Variants in ITFG1 observed in about 807,000 individuals in gnomAD.
The protein encoded by ITFG1 is integrin alpha FG-GAP repeat containing 1.
Under a neutral mutation model 81.8 loss-of-function variants are expected in ITFG1, and 34 were observed. The observed-to-expected ratio is 0.42, with a 90% confidence interval of 0.32 to 0.55. The LOEUF is 0.55. Ranked by LOEUF, ITFG1 falls within the 20% of genes least tolerant of loss-of-function variation. The pLI is 0.17. For missense variants in ITFG1, 672 were observed against 755.4 expected (o/e 0.89, Z 1.29); for synonymous variants, 285 against 270.6 (o/e 1.05, Z -0.52).
At chr16:47,323,241 G>C (rs1967476073) in intron 8 of ITFG1, among the ~76,000 whole-genome samples, 1 of 152,148 alleles carries the variant, frequency 6.6e-6, no homozygotes, top group African/African-American at 2.4e-5. Context: ...GAGTTAATTA[G>C]TTGATATGTT....
chr16:47,268,956 A>G (rs1966307803), intron 10 of ITFG1, among the ~76,000 whole-genome samples: 1 of 152,264 alleles, frequency 6.6e-6, no homozygotes, highest in South Asian at 2.1e-4. Flanking sequence ...ACAAAATCCA[A>G]AACCCATTTC....
intron 6 of ITFG1, among the ~76,000 whole-genome samples, chr16:47,401,344 A>G (rs1968659762): frequency 6.6e-6 from 1 of 152,216 alleles, no homozygotes; most frequent in African/African-American, 2.4e-5. Flanking sequence ...GTCTAGAATA[A>G]GATACATAAA....
At chr16:47,394,916 T>C (rs1968575733) in intron 6 of ITFG1, among the ~76,000 whole-genome samples, 1 of 152,146 alleles carries the variant, frequency 6.6e-6, no homozygotes, top group African/African-American at 2.4e-5. Flanking sequence ...ATTAGTTCTG[T>C]TGGTATTGGG....
chr16:47,307,430 T>A (rs532430214), intron 10 of ITFG1, among the ~76,000 whole-genome samples: 1 of 152,288 alleles, frequency 6.6e-6, no homozygotes, highest in Admixed American at 6.5e-5. Flanking sequence ...CATTTTATTA[T>A]GGGACTAAGA....
At position 47,451,458 on chromosome 16, in the gene ITFG1, A is replaced by T. The variant is rs1969388168; in HGVS notation, c.498T>A (p.Asp166Glu). Residue 166 changes from aspartate (D) to glutamate (E), a missense_variant, in exon 5 of 18, where the codon GAT (aspartate) becomes GAA (glutamate). Transcript: ENST00000320640. ...DEPLIMDFNG[D>E]LIPDIFGITN... ...TGATACCAAAAATATCAGGAATTAGATCACCATTGAAACTGAAAAAAAATT... is the reference window on the plus strand; with the variant it reads ...TGATACCAAAAATATCAGGAATTAGTTCACCATTGAAACTGAAAAAAAATT... 6.4e-7 allele frequency: 1 copy of T among 1,565,380 alleles called. No individual in the cohort carries two copies. Among genetic ancestry groups the T allele is most frequent in the Non-Finnish European group, 8.8e-7 (1 of 1,137,614 alleles).
At position 47,400,678 on chromosome 16, in the gene ITFG1, T is replaced by A. The variant is rs1402884248; in HGVS notation, c.656-24738A>T. 2.0e-5 allele frequency among the ~76,000 whole-genome samples: 3 copies of A among 151,398 alleles called. No homozygotes were observed. In the East Asian group the frequency reaches 5.8e-4, roughly 29 times the overall value. The stretch of plus-strand genomic sequence containing the variant: ...GAGGTGTCAGTTGAGACCTGAAGGG[T>A]ATGTAAAAGTCAGTTCAGCGAAAGG... On this transcript the variant is annotated intron_variant, in intron 6 of 17. Coordinates refer to ENST00000320640, the MANE Select transcript of ITFG1 (RefSeq NM_030790.5).
intron 14 of ITFG1, 56 bp from the exon 15 acceptor site, chr16:47,162,720 T>TC: frequency 6.9e-7 from 1 of 1,444,114 alleles, no homozygotes; most frequent in Non-Finnish European, 9.3e-7. Context: ...ATTGCTCCCA[T>TC]CAAATATTAA....
intron 6 of ITFG1, among the ~76,000 whole-genome samples, chr16:47,387,782 C>A (rs953875689): frequency 1.9e-4 from 29 of 151,940 alleles, no homozygotes; most frequent in Non-Finnish European, 3.5e-4. Context: ...ACCTAAATGT[C>A]CAATAAAAAA....
Position 47,237,362 on chromosome 16 carries a change from A to G in ITFG1, c.1374+603T>C, listed in dbSNP as rs1965888543. Among the ~76,000 whole-genome samples, 3 of 152,182 alleles carry G rather than the reference A, an allele frequency of 2.0e-5. No individual in the cohort carries two copies. In the South Asian group the frequency reaches 6.2e-4, roughly 32 times the overall value. The stretch of plus-strand genomic sequence containing the variant: ...GTTTCCTTGTCTTTAAATAGGGGCT[A>G]ATTTCTTATGAAACAAGGATTACTA... On this transcript the variant is annotated intron_variant, in intron 13 of 17. Transcript: ENST00000320640.
At chr16:47,362,853 C>T (rs1240677755) in intron 8 of ITFG1, among the ~76,000 whole-genome samples, 1 of 152,038 alleles carries the variant, frequency 6.6e-6, no homozygotes, top group African/African-American at 2.4e-5. Flanking sequence ...TATTCATATT[C>T]TGTCTTCCCA....
intron 14 of ITFG1, among the ~76,000 whole-genome samples, chr16:47,208,515 GA>G (rs1304756094): frequency 6.6e-6 from 1 of 152,144 alleles, no homozygotes; most frequent in African/African-American, 2.4e-5. Flanking sequence ...TAGAACAAAC[GA>G]AAGGACCTGA....
intron 14 of ITFG1, among the ~76,000 whole-genome samples, chr16:47,204,496 C>T (rs1596806490): frequency 6.6e-6 from 1 of 152,200 alleles, no homozygotes; most frequent in Admixed American, 6.5e-5. Flanking sequence ...GAAATGCTTT[C>T]GTATTTTGTT....
intron 8 of ITFG1, among the ~76,000 whole-genome samples, chr16:47,362,233 G>A (rs2151585648): frequency 6.6e-6 from 1 of 152,186 alleles, no homozygotes; most frequent in South Asian, 2.1e-4. Context: ...CTCCTGAGTG[G>A]TTTCCACCTT....
In ITFG1 at chr16:47,213,730, C is replaced by G. The variant is rs141992926; in HGVS notation, c.1453+5138G>C. 2.8e-3 allele frequency among the ~76,000 whole-genome samples: 431 copies of G among 152,270 alleles called. 1 individual carries two copies. Among genetic ancestry groups the G allele is most frequent in the Non-Finnish European group, 3.0e-3 (207 of 68,008 alleles). On this transcript the variant is annotated intron_variant, in intron 14 of 17. Coordinates refer to ENST00000320640, the MANE Select transcript of ITFG1 (RefSeq NM_030790.5). ...TAGGATTTGGAGAGCTTCTGGGTTA[C>G]TGAATACATCCATGGGCTGGGAGTG...
At chr16:47,415,493 C>A (rs1426311822) in intron 6 of ITFG1, among the ~76,000 whole-genome samples, 1 of 152,006 alleles carries the variant, frequency 6.6e-6, no homozygotes, top group African/African-American at 2.4e-5. Flanking sequence ...ATCGGAATTG[C>A]CTGTGGTTGT....
At chr16:47,158,785 TTAAAA>T in intron 17 of ITFG1, 83 bp downstream of exon 17, 1 of 579,118 alleles carries the variant, frequency 1.7e-6, no homozygotes, top group South Asian at 3.2e-5. Flanking sequence ...TGAAAAAAGT[TTAAAA>T]TAAATATAGT....
chr16:47,340,605 C>T (rs1485902756), intron 8 of ITFG1, among the ~76,000 whole-genome samples: 1 of 151,290 alleles, frequency 6.6e-6, no homozygotes, highest in Non-Finnish European at 1.5e-5. Context: ...AAGGAGGAAA[C>T]GAAAGAGAAA....
At chr16:47,417,598 C>T (rs1968890598) in intron 6 of ITFG1, among the ~76,000 whole-genome samples, 2 of 152,262 alleles carry the variant, frequency 1.3e-5, no homozygotes, top group Middle Eastern at 6.8e-3. Flanking sequence ...ATGAGATAAA[C>T]TCTTTTAGCT....
intron 3 of ITFG1, 38 bp downstream of exon 3, chr16:47,453,975 T>G: frequency 3.1e-6 from 4 of 1,306,642 alleles, no homozygotes; most frequent in Non-Finnish European, 4.3e-6. Flanking sequence ...ACCTTCATAT[T>G]CAATGATAAA....
Sources: allele counts gnomAD v4.1 joint callset (sites outside exome capture counted in the v4.1 genomes callset), GRCh38; gene constraint gnomAD v4.1.1; transcripts MANE v1.5; gene names NCBI Gene and HGNC (gene_info 2026-07-23, HGNC 2026-07-21).